The following NOL4 variants were observed in gnomAD, a reference collection of about 807,000 sequenced individuals.
The protein encoded by NOL4 is cancer/testis antigen 125.
NOL4 carries 17 observed loss-of-function variants against 75.9 expected under a neutral mutation model. The ratio of observed to expected loss-of-function variants is 0.22; its 90% CI spans 0.15 to 0.34. The LOEUF is 0.34. Ranked by LOEUF, NOL4 falls within the 10% of genes least tolerant of loss-of-function variation. NOL4 has a pLI of 1.00. For synonymous variants in NOL4, 292 were observed against 289.9 expected (o/e 1.01, Z -0.07); for missense variants, 614 against 793.5 (o/e 0.77, Z 2.72).
chr18:33,882,050 A>T (rs1267402769), intron 10 of NOL4, among the ~76,000 whole-genome samples: 3 of 152,064 alleles, frequency 2.0e-5, no homozygotes, highest in South Asian at 2.1e-4. Flanking sequence ...ACACAAAAAT[A>T]AATTCAAGAT....
At chr18:33,855,003 C>T (rs2062777557) in intron 10 of NOL4, among the ~76,000 whole-genome samples, 1 of 151,954 alleles carries the variant, frequency 6.6e-6, no homozygotes, top group Non-Finnish European at 1.5e-5. Flanking sequence ...GAAAGCTCTG[C>T]CATTTAGAGG....
intron 5 of NOL4, among the ~76,000 whole-genome samples, chr18:34,031,610 G>C (rs2075643769): frequency 6.6e-6 from 1 of 152,122 alleles, no homozygotes; most frequent in Non-Finnish European, 1.5e-5. Context: ...ACAAAATAGT[G>C]AGTAGATATT....
chr18:34,100,580 T>A (rs1231934476), intron 4 of NOL4, among the ~76,000 whole-genome samples: 1 of 152,220 alleles, frequency 6.6e-6, no homozygotes, highest in African/African-American at 2.4e-5. Context: ...AGTTTTATTC[T>A]AGTTCACAAA....
chr18:34,013,254 T>C (rs1413068094), intron 6 of NOL4, among the ~76,000 whole-genome samples: 1 of 151,912 alleles, frequency 6.6e-6, no homozygotes, highest in Non-Finnish European at 1.5e-5. Context: ...AAACACCCAA[T>C]TCTGTCCATT....
chr18:33,860,698 C>G (rs1329888451), intron 10 of NOL4, among the ~76,000 whole-genome samples: 19 of 151,918 alleles, frequency 1.3e-4, no homozygotes, highest in Admixed American at 1.2e-3. Context: ...GAGAGGGCAT[C>G]CCTGTCTTGT....
intron 1 of NOL4, among the ~76,000 whole-genome samples, chr18:34,152,374 A>G (rs2081683777): frequency 6.6e-6 from 1 of 151,918 alleles, no homozygotes; most frequent in Non-Finnish European, 1.5e-5. Flanking sequence ...AGACATGACC[A>G]GGTGATGTGT....
Position 33,943,181 on chromosome 18 carries a change from A to G in NOL4, c.1429-3T>C. ...AGGTGGGAAGGAATAGGTCGAGACT[A>G]AAAAAAAAAAGAGAAAAGTATGAAA... On this transcript the variant is annotated splice_polypyrimidine_tract_variant and splice_region_variant and intron_variant, in intron 8 of 10. Coordinates refer to ENST00000261592, the MANE Select transcript of NOL4 (RefSeq NM_003787.5). 3.0e-6 allele frequency: 2 copies of G among 657,436 alleles called. No homozygotes were observed. Among genetic ancestry groups the G allele is most frequent in the Middle Eastern group, 3.4e-4 (1 of 2,952 alleles). 40.7% of individuals were successfully genotyped at this position (657,436 alleles called of 1,614,324 possible). A position where few individuals can be genotyped will look rare whatever the true frequency, so the allele number is the denominator to read the frequency against.
In NOL4 at chr18:34,073,772, T is replaced by A. The variant is rs572953667; in HGVS notation, c.772+19693A>T. 2.6e-5 allele frequency among the ~76,000 whole-genome samples: 4 copies of A among 152,056 alleles called. No homozygotes were observed. The East Asian group carries it at 7.7e-4, about 29-fold the overall frequency. On this transcript the variant is annotated intron_variant, in intron 5 of 10. Transcript: ENST00000261592. ...CTACAAAATAATAGGGATATAGTAA[T>A]GCAATCAAATAAAAAACTAGGCATT...
intron 5 of NOL4, among the ~76,000 whole-genome samples, chr18:34,086,914 T>C (rs1020778942): frequency 6.6e-5 from 10 of 152,114 alleles, no homozygotes; most frequent in Non-Finnish European, 2.9e-5. Context: ...ACAGAGCTAA[T>C]TGAAACACAT....
chr18:34,204,417 GTTCTCTTATCC>G (rs919962825), intron 1 of NOL4, among the ~76,000 whole-genome samples: 8 of 149,804 alleles, frequency 5.3e-5, no homozygotes, highest in Non-Finnish European at 1.0e-4. Context: ...ATATTCTGAG[GTTCTCTTATCC>G]TTCTCTTATC....
At chr18:33,914,342 G>A (rs1210999053) in intron 9 of NOL4, among the ~76,000 whole-genome samples, 1 of 152,098 alleles carries the variant, frequency 6.6e-6, no homozygotes, top group East Asian at 1.9e-4. Flanking sequence ...AAGGAAGTCT[G>A]TGTGGTAGGA....
chr18:34,052,113 T>C (rs1482280220), intron 5 of NOL4, among the ~76,000 whole-genome samples: 2 of 152,040 alleles, frequency 1.3e-5, no homozygotes, highest in South Asian at 2.1e-4. Flanking sequence ...ACATCATCTA[T>C]ATAATTTAAT....
chr18:33,854,520 C>T (rs1368842700), intron 10 of NOL4, among the ~76,000 whole-genome samples: 2 of 151,966 alleles, frequency 1.3e-5, no homozygotes, highest in East Asian at 1.9e-4. Flanking sequence ...GTTACTGAAC[C>T]TGTGTTGAGG....
chr18:33,883,561 C>T lies in NOL4; in HGVS notation c.1543-137G>A, dbSNP rs117884025. 528 of 547,130 alleles carry T rather than the reference C, an allele frequency of 9.7e-4. 5 individuals are homozygous for T. The East Asian group carries it at 0.017, about 18-fold the overall frequency. 33.9% of individuals were successfully genotyped at this position (547,130 alleles called of 1,614,324 possible). ...AGTGAATGTTAAGTAAGCACAGATG[C>T]ACATTTTCAACATCTTTGCTAAAAA... On this transcript the variant is annotated intron_variant, in intron 9 of 10. Coordinates refer to ENST00000261592, the MANE Select transcript of NOL4 (RefSeq NM_003787.5).
At chr18:34,069,593 T>C (rs1176203539) in intron 5 of NOL4, among the ~76,000 whole-genome samples, 1 of 151,980 alleles carries the variant, frequency 6.6e-6, no homozygotes, top group African/African-American at 2.4e-5. Flanking sequence ...AGGCATATCA[T>C]AGGCAAACTG....
intron 6 of NOL4, among the ~76,000 whole-genome samples, chr18:33,978,617 T>C (rs2071694116): frequency 6.6e-6 from 1 of 152,044 alleles, no homozygotes; most frequent in Non-Finnish European, 1.5e-5. Context: ...TATAATGTCA[T>C]CCCTCAGTAC....
In NOL4 at chr18:34,223,449, T is replaced by C; in HGVS notation, c.-196A>G. ...TTGGGCACCAGCAATCAATGCCCCG[T>C]GCTACCAAGTCTGGTCCATTCGTAA... is the stretch of plus-strand genomic sequence containing the variant. On this transcript the variant is annotated 5_prime_UTR_variant, in exon 1 of 11. Coordinates refer to ENST00000261592, the MANE Select transcript of NOL4 (RefSeq NM_003787.5). 1.5e-6 allele frequency: 1 copy of C among 666,548 alleles called. No individual in the cohort carries two copies. Among genetic ancestry groups the C allele is most frequent in the Admixed American group, 2.9e-5 (1 of 34,034 alleles). 41.3% of individuals were successfully genotyped at this position (666,548 alleles called of 1,614,324 possible).
At chr18:34,220,072 G>C (rs762804444) in intron 1 of NOL4, among the ~76,000 whole-genome samples, 17 of 152,230 alleles carry the variant, frequency 1.1e-4, no homozygotes, top group Non-Finnish European at 1.8e-4. Context: ...TTAGGCTTTA[G>C]GGGGAAGAGT....
At chr18:34,217,759 TG>T (rs1172450227) in intron 1 of NOL4, among the ~76,000 whole-genome samples, 1 of 151,986 alleles carries the variant, frequency 6.6e-6, no homozygotes, top group Non-Finnish European at 1.5e-5. Flanking sequence ...TGTATGTGTG[TG>T]TATATGTATG....
Sources: gnomAD v4.1 joint callset for allele counts (sites outside exome capture counted in the v4.1 genomes callset) on GRCh38, gnomAD v4.1.1 for gene constraint, MANE v1.5 for transcripts, NCBI Gene and HGNC (gene_info 2026-07-23, HGNC 2026-07-21) for gene names.